The following CASP6 variants were observed in gnomAD, a reference collection of about 807,000 sequenced individuals.
The protein encoded by CASP6 is caspase-6.
In CASP6, 20 loss-of-function variants were observed where a neutral mutation model predicts 31.8. That is an observed-to-expected ratio of 0.63 (90% confidence interval 0.44 to 0.91). The LOEUF is 0.91. Among genes scored for constraint, CASP6 ranks in the 40% least tolerant of loss-of-function variants. CASP6 has a pLI of 0.00. For missense variants in CASP6, 328 were observed against 361.1 expected (o/e 0.91, Z 0.74); for synonymous variants, 130 against 127.8 (o/e 1.02, Z -0.12).
In CASP6 at chr4:109,694,836, T is replaced by A. The variant is rs572269223; in HGVS notation, c.308-136A>T. 3.6e-6 allele frequency: 3 copies of A among 836,638 alleles called. No homozygotes were observed. In the East Asian group the frequency reaches 9.5e-5, roughly 27 times the overall value. The allele number at this position is 836,638 out of a possible 1,614,324, so 51.8% of individuals were successfully genotyped here. On this transcript the variant is annotated intron_variant, in intron 4 of 6. Coordinates refer to ENST00000265164, the MANE Select transcript of CASP6 (RefSeq NM_001226.4). ...AGGAGGAAAATTTGTGGTTTTGTCT[T>A]TTTTGTTTTTTTGAGACAGAGTTTC...
the CASP6 span, among the ~76,000 whole-genome samples, chr4:109,671,989 T>C: frequency 4.6e-5 from 7 of 152,102 alleles, no homozygotes; most frequent in South Asian, 4.1e-4. Context: ...CTTTCTCAAA[T>C]AGAATCTGTG....
the CASP6 span, among the ~76,000 whole-genome samples, chr4:109,679,333 G>A: frequency 3.3e-5 from 5 of 152,152 alleles, no homozygotes; most frequent in South Asian, 2.1e-4. Context: ...CCGAGATCAC[G>A]CCACTGCACT....
rs1438937074 is a variant in CASP6, at chr4:109,694,643, C to T, written c.365G>A (p.Gly122Asp). The change falls in exon 5 of 7, where the codon GGC becomes GAC. Residue 122 changes from glycine to aspartate, a missense_variant. Coordinates refer to ENST00000265164, the MANE Select transcript of CASP6 (RefSeq NM_001226.4). ...DCFVCVFLSH[G>D]EGNHIYAYDA... ...ATATGCATAAATGTGATTGCCTTCG[C>T]CATGGCTCAGGAAGACACACACAAA... The T allele has an allele frequency of 6.2e-7, 1 of 1,612,558 alleles. No individual in the cohort carries two copies. Among genetic ancestry groups the T allele is most frequent in the Non-Finnish European group, 8.5e-7 (1 of 1,179,420 alleles).
intron 1 of CASP6, among the ~76,000 whole-genome samples, chr4:109,701,564 A>G (rs1463540581): frequency 1.3e-5 from 2 of 152,054 alleles, no homozygotes; most frequent in Non-Finnish European, 2.9e-5. Flanking sequence ...AGTAGCTGGG[A>G]CTAGAGGCGC....
At chr4:109,669,210 C>T in the CASP6 span, among the ~76,000 whole-genome samples, 2 of 152,112 alleles carry the variant, frequency 1.3e-5, no homozygotes, top group African/African-American at 4.8e-5. Flanking sequence ...GCAAGGCAGG[C>T]CTGCTAGCAA....
the CASP6 span, among the ~76,000 whole-genome samples, chr4:109,681,840 C>G: frequency 1.3e-5 from 2 of 152,114 alleles, no homozygotes; most frequent in Admixed American, 6.5e-5. Context: ...AAGCTCAGCT[C>G]GAGCAGTAAC....
chr4:109,695,737 T>C (rs1157625500), intron 4 of CASP6, among the ~76,000 whole-genome samples: 2 of 89,054 alleles, frequency 2.2e-5, no homozygotes, highest in Non-Finnish European at 2.1e-5. Context: ...CGAGACTCCA[T>C]CTCAAAAAAA....
intron 1 of CASP6, among the ~76,000 whole-genome samples, chr4:109,699,638 A>G (rs1200394657): frequency 6.6e-6 from 1 of 152,194 alleles, no homozygotes; most frequent in Non-Finnish European, 1.5e-5. Context: ...GAAGGAGGTG[A>G]CAGCTGCATT....
chr4:109,704,196 G>A (rs1730531091), upstream of CASP6, among the ~76,000 whole-genome samples: 1 of 152,172 alleles, frequency 6.6e-6, no homozygotes, highest in Non-Finnish European at 1.5e-5. Flanking sequence ...CAAATGAAAG[G>A]AAGAGCCTGT....
rs1471975325 is a variant in CASP6, at chr4:109,694,696, T to TA, written c.311_312insT (p.Thr105AsnfsTer3). 6.3e-7 allele frequency: 1 copy of TA among 1,588,852 alleles called. No homozygotes were observed. Among genetic ancestry groups the TA allele is most frequent in the Admixed American group, 1.8e-5 (1 of 55,222 alleles). On this transcript the variant is annotated frameshift_variant, in exon 5 of 7. Coordinates refer to ENST00000265164, the MANE Select transcript of CASP6 (RefSeq NM_001226.4). LOFTEE classifies it high-confidence loss of function. ...AATCGGCATCTGCGTGGCTAACAGT[T>TA]GACACTATAAAGGACCCAAAAGAGA... is the stretch of plus-strand genomic sequence containing the variant.
chr4:109,676,877 G>T, the CASP6 span, among the ~76,000 whole-genome samples: 133 of 152,346 alleles, frequency 8.7e-4, no homozygotes, highest in Middle Eastern at 0.024. Context: ...TTTAAAGACA[G>T]AATTCACAAT....
chr4:109,678,743 A>G, the CASP6 span, among the ~76,000 whole-genome samples: 1 of 130,892 alleles, frequency 7.6e-6, no homozygotes, highest in African/African-American at 3.0e-5. Context: ...CACATCCCAG[A>G]CGGGGCGGCC....
the CASP6 span, among the ~76,000 whole-genome samples, chr4:109,674,608 A>G: frequency 1.3e-5 from 2 of 152,226 alleles, no homozygotes; most frequent in African/African-American, 4.8e-5. Flanking sequence ...GCTTCCCACA[A>G]TTGACAATAT....
At chr4:109,697,888 A>G (rs1730299750) in intron 2 of CASP6, 120 bp from the exon 3 acceptor site, 1 of 1,101,406 alleles carries the variant, frequency 9.1e-7, no homozygotes, top group Non-Finnish European at 1.3e-6. Context: ...CTGATGTTCC[A>G]TGGGTGTGCT....
At chr4:109,703,536 C>A, upstream of CASP6, 1 of 1,063,676 alleles carries the variant, frequency 9.4e-7, no homozygotes, top group Non-Finnish European at 1.3e-6. Flanking sequence ...TGATTGCGCG[C>A]CGCCCGGGCT....
upstream of CASP6, among the ~76,000 whole-genome samples, chr4:109,705,809 T>C (rs1476751728): frequency 1.3e-5 from 2 of 148,430 alleles, no homozygotes; most frequent in Non-Finnish European, 3.0e-5. Flanking sequence ...ACCCTGTCTC[T>C]ACAATTTTTT....
chr4:109,701,154 G>A (rs757299165), intron 1 of CASP6, among the ~76,000 whole-genome samples: 8 of 151,932 alleles, frequency 5.3e-5, no homozygotes, highest in Non-Finnish European at 1.2e-4. Context: ...TAGAGACAGG[G>A]TTTTGCTATG....
the CASP6 span, among the ~76,000 whole-genome samples, chr4:109,708,598 T>C: frequency 6.6e-6 from 1 of 152,248 alleles, no homozygotes; most frequent in Admixed American, 6.5e-5. Flanking sequence ...TCAGGGTCTC[T>C]GAGTCCTGAA....
the CASP6 span, chr4:109,673,737 A>G: frequency 1.9e-6 from 1 of 517,426 alleles, no homozygotes; most frequent in Non-Finnish European, 3.4e-6. Context: ...GTTCACAAGG[A>G]AGACACATAA....
Sources: allele counts gnomAD v4.1 joint callset (sites outside exome capture counted in the v4.1 genomes callset), GRCh38; gene constraint gnomAD v4.1.1; transcripts MANE v1.5; gene names NCBI Gene and HGNC (gene_info 2026-07-23, HGNC 2026-07-21).